ORC4: variants seen among roughly 807,000 people sequenced by gnomAD.
ORC4 encodes origin recognition complex subunit 4.
In ORC4, 55 loss-of-function variants were observed where a neutral mutation model predicts 63.9. The observed-to-expected ratio is 0.86, with a 90% CI of 0.69 to 1.08. ORC4 has a LOEUF of 1.08. ORC4 is among the 50% of genes least tolerant of loss of function. The pLI, the probability that ORC4 is intolerant of heterozygous loss-of-function variation, is 0.00. For missense variants in ORC4, 511 were observed against 504.4 expected, an observed-to-expected ratio of 1.01 and a Z score of -0.13; for synonymous variants, 150 against 168.5, an observed-to-expected ratio of 0.89 and a Z score of 0.85.
At chr2:148,018,562 G>A (rs995435544) in intron 1 of ORC4, among the ~76,000 whole-genome samples, 7 of 144,886 alleles carry the variant, frequency 4.8e-5, no homozygotes, top group African/African-American at 1.8e-4. Flanking sequence ...TTTCCATTAA[G>A]ACTTTTTATA....
Position 148,000,268 on chromosome 2 carries a change from T to C in ORC4, c.-18+20365A>G, listed in dbSNP as rs186069335. 1.4e-3 allele frequency among the ~76,000 whole-genome samples: 218 copies of C among 152,138 alleles called. 1 individual carries two copies. The highest frequency in any genetic ancestry group is 3.7e-4 in the Non-Finnish European group (25 of 67,960). On this transcript the variant is annotated intron_variant, in intron 1 of 13. Transcript: ENST00000392857. ...GACTATAGACTCATAATAAGTAACA[T>C]GGCTGTGACATTTCAGAACTCTAGA...
chr2:147,985,224 T>C (rs1185145920), intron 1 of ORC4, among the ~76,000 whole-genome samples: 4 of 152,064 alleles, frequency 2.6e-5, no homozygotes, highest in Non-Finnish European at 5.9e-5. Context: ...TGAGACAGAG[T>C]CTCGCTCTGT....
rs138134310 is a variant in ORC4, at chr2:148,016,783, G to A, written c.-18+3850C>T. Among the ~76,000 whole-genome samples the A allele has an allele frequency of 6.9e-4, 105 of 152,288 alleles. 1 individual carries two copies. The South Asian group carries it at 0.016, about 23-fold the overall frequency. ...ATTAATAAAGATATGTTAGAGCCTCGTTATAATGATTTAAAATTCGCTGTC... is the reference window on the plus strand; with the variant it reads ...ATTAATAAAGATATGTTAGAGCCTCATTATAATGATTTAAAATTCGCTGTC... On this transcript the variant is annotated intron_variant, in intron 1 of 13. Coordinates refer to ENST00000392857, the MANE Select transcript of ORC4 (RefSeq NM_181741.4).
chr2:148,012,574 GAAAAT>G (rs376296889), intron 1 of ORC4, among the ~76,000 whole-genome samples: 6 of 151,762 alleles, frequency 4.0e-5, no homozygotes, highest in African/African-American at 7.3e-5. Flanking sequence ...ACTAAAGCAA[GAAAAT>G]AAAATAAAAT....
At chr2:147,938,105 T>C (rs933431302) in intron 13 of ORC4, 41 bp downstream of exon 13, 3 of 1,334,974 alleles carry the variant, frequency 2.2e-6, no homozygotes, top group Non-Finnish European at 3.2e-6. Flanking sequence ...ATGTAAAAAA[T>C]ATACTTGTCT....
Position 147,932,172 on chromosome 2 carries a change from G to C in ORC4, c.*3338C>G, listed in dbSNP as rs1687804769. The C allele has an allele frequency of 6.7e-6, 1 of 148,950 alleles. No individual in the cohort carries two copies. Among genetic ancestry groups the C allele is most frequent in the African/African-American group, 2.5e-5 (1 of 40,718 alleles). 9.2% of individuals were successfully genotyped at this position (148,950 alleles called of 1,614,324 possible). The stretch of plus-strand genomic sequence containing the variant: ...CTTATACACCAACAACAGACAAACA[G>C]AGAGCCAAATCATGAGTGAACTCCC... On this transcript the variant is annotated 3_prime_UTR_variant, in exon 14 of 14. Transcript: ENST00000392857.
intron 1 of ORC4, among the ~76,000 whole-genome samples, chr2:147,984,422 T>C (rs1276620924): frequency 6.6e-6 from 1 of 152,050 alleles, no homozygotes; most frequent in Non-Finnish European, 1.5e-5. Context: ...ATAAAATATA[T>C]ATTAATTGAC....
intron 1 of ORC4, among the ~76,000 whole-genome samples, chr2:147,994,367 C>T (rs760258420): frequency 6.6e-6 from 1 of 152,104 alleles, no homozygotes; most frequent in African/African-American, 2.4e-5. Flanking sequence ...TTAAAGTATA[C>T]ACAGAAAGAC....
chr2:147,985,476 G>A (rs767579797), intron 1 of ORC4, among the ~76,000 whole-genome samples: 6 of 152,156 alleles, frequency 3.9e-5, no homozygotes, highest in African/African-American at 7.2e-5. Context: ...GATTACAGGC[G>A]TGAGCCACCG....
chr2:148,000,018 T>A (rs1692201335), intron 1 of ORC4, among the ~76,000 whole-genome samples: 1 of 147,136 alleles, frequency 6.8e-6, no homozygotes, highest in Non-Finnish European at 1.5e-5. Flanking sequence ...GAAATCAAAG[T>A]CTCAAAAGTT....
At chr2:147,971,248 G>A (rs1289307581) in intron 4 of ORC4, among the ~76,000 whole-genome samples, 3 of 151,760 alleles carry the variant, frequency 2.0e-5, no homozygotes, top group Admixed American at 6.6e-5. Context: ...ATAAATAAAT[G>A]AAATCTTCTG....
chr2:147,987,784 T>C (rs575393628), intron 1 of ORC4, among the ~76,000 whole-genome samples: 1 of 152,230 alleles, frequency 6.6e-6, no homozygotes, highest in South Asian at 2.1e-4. Context: ...CTGGGCACAG[T>C]GGCTCCCACC....
At chr2:147,953,420 A>T (rs1689072737) in intron 7 of ORC4, among the ~76,000 whole-genome samples, 2 of 152,198 alleles carry the variant, frequency 1.3e-5, no homozygotes, top group African/African-American at 4.8e-5. Context: ...CGTAAATATA[A>T]TTCTTATTTA....
At chr2:148,000,083 C>A (rs1692207667) in intron 1 of ORC4, among the ~76,000 whole-genome samples, 1 of 148,950 alleles carries the variant, frequency 6.7e-6, no homozygotes. Flanking sequence ...TAAAAAATGA[C>A]AGAAAAAAAA....
intron 4 of ORC4, among the ~76,000 whole-genome samples, chr2:147,970,779 T>C (rs190202384): frequency 6.6e-6 from 1 of 152,254 alleles, no homozygotes; most frequent in East Asian, 1.9e-4. Context: ...GTGATGAAGC[T>C]TCAGATACAA....
Position 147,938,170 on chromosome 2 carries a change from A to C in ORC4, c.1098T>G (p.Asn366Lys). ...CCTTCATGACAACAGGTTTTTCAAA[A>C]TTATAAACGGAATGTGCTTTCCTTT... is the stretch of plus-strand genomic sequence containing the variant. ...FVQRKAHSVY[N>K]FEKPVVMKAF... Residue 366 changes from asparagine to lysine, a missense_variant, in exon 13 of 14, where the codon AAT becomes AAG. Physicochemically the swap from Asn to Lys is moderately conservative, Grantham distance 94. Coordinates refer to ENST00000392857, the MANE Select transcript of ORC4 (RefSeq NM_181741.4). 1 of 1,612,604 alleles carries C rather than the reference A, an allele frequency of 6.2e-7. No individual in the cohort carries two copies. The highest frequency in any genetic ancestry group is 8.5e-7 in the Non-Finnish European group (1 of 1,178,990).
chr2:148,013,550 T>C (rs1372982370), intron 1 of ORC4, among the ~76,000 whole-genome samples: 2 of 152,186 alleles, frequency 1.3e-5, no homozygotes, highest in African/African-American at 4.8e-5. Context: ...ATTTAGTGTA[T>C]GTTTTAGAAC....
intron 1 of ORC4, among the ~76,000 whole-genome samples, chr2:148,002,400 A>T (rs955130372): frequency 1.3e-5 from 2 of 152,176 alleles, no homozygotes; most frequent in Non-Finnish European, 2.9e-5. Flanking sequence ...GAATGAAGTC[A>T]TAACAAACAG....
chr2:147,940,156 A>G (rs553162642), intron 10 of ORC4, among the ~76,000 whole-genome samples: 3 of 151,606 alleles, frequency 2.0e-5, no homozygotes, highest in African/African-American at 7.3e-5. Context: ...TTTTTCCTTT[A>G]GTTATTAATT....
Sources: allele counts gnomAD v4.1 joint callset (sites outside exome capture counted in the v4.1 genomes callset), GRCh38; gene constraint gnomAD v4.1.1; transcripts MANE v1.5; gene names NCBI Gene and HGNC (gene_info 2026-07-23, HGNC 2026-07-21).